SH3GL3: variants seen among roughly 807,000 people sequenced by gnomAD.
SH3GL3 encodes endophilin-A3.
A neutral mutation model predicts 47.7 loss-of-function variants in SH3GL3; 33 were observed. That is an observed-to-expected ratio of 0.69 (90% CI 0.52 to 0.92). SH3GL3 has a LOEUF of 0.92. Among genes scored for constraint, SH3GL3 ranks in the 40% least tolerant of loss-of-function variants. The pLI is 0.00. For synonymous variants in SH3GL3, 155 were observed against 148.8 expected (o/e 1.04, Z -0.30); for missense variants, 363 against 417.8 (o/e 0.87, Z 1.14).
At chr15:83,456,218 C>G in intron 1 of SH3GL3, among the ~76,000 whole-genome samples, 1 of 26,976 alleles carries the variant, frequency 3.7e-5, no homozygotes, top group Admixed American at 3.7e-4. Flanking sequence ...TCAAAGCTGT[C>G]AGACAGGGAC....
rs35935527 is a variant in SH3GL3 at position 83,587,525 on chromosome 15, T to TAAA, written c.728+459_728+461dup. On this transcript the variant is annotated intron_variant, in intron 7 of 8. Transcript: ENST00000427482. ...TGTATGGAAAATATGTAAATATCTG[T>TAAA]AAAAAAAAAAAAAAAAAAAAAAGGT... Among the ~76,000 whole-genome samples, 63 of 104,996 alleles carry TAAA rather than the reference T, an allele frequency of 6.0e-4. 1 individual carries two copies. The highest frequency in any genetic ancestry group is 1.0e-3 in the South Asian group (3 of 2,964). The allele number at this position is 104,996 out of a possible 152,430, so 68.9% of individuals were successfully genotyped here. A position where few individuals can be genotyped will look rare whatever the true frequency, so the allele number is the denominator to read the frequency against.
intron 1 of SH3GL3, among the ~76,000 whole-genome samples, chr15:83,530,491 T>C (rs2043619528): frequency 6.6e-6 from 1 of 152,198 alleles, no homozygotes; most frequent in African/African-American, 2.4e-5. Context: ...AGTGTTTTCT[T>C]TTAGATGTTC....
chr15:83,609,621 G>T lies in SH3GL3; in HGVS notation c.839-8461G>T, dbSNP rs373305039. Among the ~76,000 whole-genome samples, 3 of 152,244 alleles carry T rather than the reference G, an allele frequency of 2.0e-5. No individual in the cohort carries two copies. The East Asian group carries it at 5.8e-4, about 29-fold the overall frequency. ...GCCTTTCAGTGGGGATGCTCTGACC[G>T]AATGCTTCCAGGTCATGAAGTTCCC... On this transcript the variant is annotated intron_variant, in intron 8 of 8. Coordinates refer to ENST00000427482, the MANE Select transcript of SH3GL3 (RefSeq NM_003027.5).
At chr15:83,475,271 A>G (rs113536701) in intron 1 of SH3GL3, among the ~76,000 whole-genome samples, 8 of 152,036 alleles carry the variant, frequency 5.3e-5, no homozygotes, top group African/African-American at 1.7e-4. Flanking sequence ...TGAGGCCAGG[A>G]GTTCGAGACC....
At chr15:83,583,412 CT>C (rs1344148428) in intron 6 of SH3GL3, among the ~76,000 whole-genome samples, 1 of 152,148 alleles carries the variant, frequency 6.6e-6, no homozygotes, top group East Asian at 1.9e-4. Context: ...CTAAGACAGC[CT>C]TGGTTACAGT....
chr15:83,473,610 C>T (rs1168282542), intron 1 of SH3GL3, among the ~76,000 whole-genome samples: 1 of 151,202 alleles, frequency 6.6e-6, no homozygotes, highest in Non-Finnish European at 1.5e-5. Flanking sequence ...TGCAGTGGCA[C>T]GATCTTGGCT....
intron 1 of SH3GL3, among the ~76,000 whole-genome samples, chr15:83,557,093 C>T (rs1015294167): frequency 6.6e-6 from 1 of 152,156 alleles, no homozygotes; most frequent in Non-Finnish European, 1.5e-5. Flanking sequence ...CAAGTCGAAG[C>T]GTGGAAAAAT....
chr15:83,480,570 G>A (rs1254583958), intron 1 of SH3GL3, among the ~76,000 whole-genome samples: 1 of 152,206 alleles, frequency 6.6e-6, no homozygotes, highest in Non-Finnish European at 1.5e-5. Flanking sequence ...GTAGAATACA[G>A]CTTGGAAGTT....
intron 1 of SH3GL3, among the ~76,000 whole-genome samples, chr15:83,468,336 C>T (rs1221217598): frequency 6.6e-6 from 1 of 152,082 alleles, no homozygotes; most frequent in Non-Finnish European, 1.5e-5. Flanking sequence ...TTATTTCTTC[C>T]TTTCCAATCT....
intron 1 of SH3GL3, among the ~76,000 whole-genome samples, chr15:83,516,878 CT>C (rs1444524695): frequency 6.6e-6 from 1 of 151,812 alleles, no homozygotes; most frequent in Non-Finnish European, 1.5e-5. Context: ...CATATCGTAT[CT>C]TTTGTGTTTG....
At chr15:83,467,502 T>C (rs1201946368) in intron 1 of SH3GL3, among the ~76,000 whole-genome samples, 5 of 152,256 alleles carry the variant, frequency 3.3e-5, no homozygotes, top group African/African-American at 1.2e-4. Context: ...CAGAATTGTT[T>C]TAGCTATTCT....
intron 8 of SH3GL3, among the ~76,000 whole-genome samples, chr15:83,608,166 T>A (rs2060576462): frequency 6.6e-6 from 1 of 152,208 alleles, no homozygotes; most frequent in Non-Finnish European, 1.5e-5. Flanking sequence ...AAGCTTGAGT[T>A]CCATTGACAA....
intron 1 of SH3GL3, among the ~76,000 whole-genome samples, chr15:83,503,281 T>C (rs2042365002): frequency 6.6e-6 from 1 of 152,156 alleles, no homozygotes; most frequent in African/African-American, 2.4e-5. Context: ...TACATTTACA[T>C]ATGTTCATAA....
intron 1 of SH3GL3, among the ~76,000 whole-genome samples, chr15:83,473,446 T>C (rs2040930064): frequency 6.6e-6 from 1 of 152,090 alleles, no homozygotes; most frequent in Admixed American, 6.5e-5. Flanking sequence ...AGTTATTGTC[T>C]AAAAGTTTTC....
At chr15:83,486,848 T>G (rs755488309) in intron 1 of SH3GL3, among the ~76,000 whole-genome samples, 35 of 152,236 alleles carry the variant, frequency 2.3e-4, no homozygotes, top group Non-Finnish European at 4.7e-4. Flanking sequence ...GCCCGCTTCC[T>G]GGCTTGCAGA....
rs1432018340 is a variant in SH3GL3 at position 83,618,066 on chromosome 15, C to T, written c.839-16C>T. 6.4e-7 allele frequency: 1 copy of T among 1,552,084 alleles called. No individual in the cohort carries two copies. Among genetic ancestry groups the T allele is most frequent in the Non-Finnish European group, 8.9e-7 (1 of 1,123,584 alleles). ...CATGTTCATCTGTACTTTTTGTCTC[C>T]ATATCATGTGGACAGGTTCTAACAT... On this transcript the variant is annotated splice_polypyrimidine_tract_variant and intron_variant, in intron 8 of 8. Transcript: ENST00000427482.
intron 6 of SH3GL3, among the ~76,000 whole-genome samples, chr15:83,581,837 G>A (rs550621768): frequency 6.6e-6 from 1 of 152,336 alleles, no homozygotes; most frequent in Admixed American, 6.5e-5. Context: ...CTTGTGAATG[G>A]GAGCTGGATT....
chr15:83,516,845 T>A (rs1357708344), intron 1 of SH3GL3, among the ~76,000 whole-genome samples: 1 of 152,180 alleles, frequency 6.6e-6, no homozygotes. Context: ...TTTTGCCTAT[T>A]TTTGAACTTC....
At chr15:83,631,958 G>T in the SH3GL3 span, among the ~76,000 whole-genome samples, 1 of 152,084 alleles carries the variant, frequency 6.6e-6, no homozygotes, top group South Asian at 2.1e-4. Flanking sequence ...AAACTTTTAT[G>T]CTCTGCTTCC....
Sources: gnomAD v4.1 joint callset for allele counts (sites outside exome capture counted in the v4.1 genomes callset) on GRCh38, gnomAD v4.1.1 for gene constraint, MANE v1.5 for transcripts, NCBI Gene and HGNC (gene_info 2026-07-23, HGNC 2026-07-21) for gene names.